SGMS2: variants seen among roughly 807,000 people sequenced by gnomAD.
SGMS2 encodes sphingomyelin synthase 2.
Under a neutral mutation model 43.8 loss-of-function variants are expected in SGMS2, and 21 were observed. That is an observed-to-expected ratio of 0.48 (90% CI 0.34 to 0.69). The LOEUF is 0.69. Among genes scored for constraint, SGMS2 ranks in the 30% least tolerant of loss-of-function variants. The pLI is 0.01. For missense variants in SGMS2, 384 were observed against 443.2 expected, an observed-to-expected ratio of 0.87 and a Z score of 1.20; for synonymous variants, 167 against 160.6, an observed-to-expected ratio of 1.04 and a Z score of -0.30.
At position 107,883,759 on chromosome 4, in the gene SGMS2, C is replaced by A. The variant is rs577564686; in HGVS notation, c.-244-11551C>A. Among the ~76,000 whole-genome samples the A allele has an allele frequency of 7.2e-5, 11 of 152,218 alleles. No individual in the cohort carries two copies. In the South Asian group the frequency reaches 1.7e-3, roughly 23 times the overall value. ...GCTTGTAAAAATATGTTTTGTACAT[C>A]TAATCTAATTCCCTTAAGATAAAGT... On this transcript the variant is annotated intron_variant, in intron 2 of 6. Coordinates refer to ENST00000690982, the MANE Select transcript of SGMS2 (RefSeq NM_001375905.1).
At chr4:107,878,727 G>A (rs1729113764) in intron 2 of SGMS2, among the ~76,000 whole-genome samples, 1 of 152,078 alleles carries the variant, frequency 6.6e-6, no homozygotes, top group African/African-American at 2.4e-5. Flanking sequence ...GAGAGCTTTA[G>A]CTTCACAATC....
At chr4:107,898,929 A>G (rs1481741006) in intron 3 of SGMS2, among the ~76,000 whole-genome samples, 1 of 152,218 alleles carries the variant, frequency 6.6e-6, no homozygotes, top group Non-Finnish European at 1.5e-5. Context: ...CACATTCACT[A>G]TTAAATGTAA....
intron 2 of SGMS2, among the ~76,000 whole-genome samples, chr4:107,864,646 G>C (rs1727982909): frequency 6.6e-6 from 1 of 152,122 alleles, no homozygotes; most frequent in Non-Finnish European, 1.5e-5. Context: ...TATATATTAA[G>C]GTGTATAACA....
intron 2 of SGMS2, chr4:107,866,902 A>G (rs1001406365): frequency 1.3e-5 from 2 of 152,240 alleles, no homozygotes; most frequent in African/African-American, 2.4e-5. Context: ...TTGCAAAATT[A>G]CTGACCCAGG....
At chr4:107,883,214 G>T (rs550424012) in intron 2 of SGMS2, among the ~76,000 whole-genome samples, 1 of 152,080 alleles carries the variant, frequency 6.6e-6, no homozygotes, top group Non-Finnish European at 1.5e-5. Context: ...CATAAGTATC[G>T]ATCACATGGC....
intron 2 of SGMS2, among the ~76,000 whole-genome samples, chr4:107,881,522 T>C (rs1280357886): frequency 1.3e-5 from 2 of 152,160 alleles, no homozygotes; most frequent in Non-Finnish European, 2.9e-5. Flanking sequence ...CGTGAGATAT[T>C]CTGATACAGG....
chr4:107,889,718 A>G (rs1291486383), intron 2 of SGMS2, among the ~76,000 whole-genome samples: 1 of 152,174 alleles, frequency 6.6e-6, no homozygotes, highest in Non-Finnish European at 1.5e-5. Flanking sequence ...AACCTTAGGT[A>G]GTTGTCAGCT....
At chr4:107,852,719 TCTCTTATTATTGGA>T (rs1268605717) in intron 1 of SGMS2, among the ~76,000 whole-genome samples, 3 of 151,146 alleles carry the variant, frequency 2.0e-5, no homozygotes, top group African/African-American at 7.3e-5. Context: ...TTTTAACATG[TCTCTTATTATTGGA>T]CACTTGTTTC....
intron 1 of SGMS2, among the ~76,000 whole-genome samples, chr4:107,847,037 C>T (rs966029533): frequency 5.3e-5 from 8 of 151,966 alleles, no homozygotes; most frequent in African/African-American, 1.2e-4. Flanking sequence ...GAGTAGATTG[C>T]GAAAATTTTC....
At chr4:107,886,412 G>A (rs1023427437) in intron 2 of SGMS2, among the ~76,000 whole-genome samples, 17 of 129,820 alleles carry the variant, frequency 1.3e-4, no homozygotes, top group South Asian at 2.4e-4. Flanking sequence ...GCAGGGTTTC[G>A]CCATGTTGCC....
chr4:107,844,405 T>A (rs1459238217), intron 1 of SGMS2, among the ~76,000 whole-genome samples: 1 of 150,022 alleles, frequency 6.7e-6, no homozygotes, highest in East Asian at 2.0e-4. Context: ...TAGGAGTGTT[T>A]AAAAAAAAAG....
At chr4:107,841,302 CT>C (rs1449328308) in intron 1 of SGMS2, among the ~76,000 whole-genome samples, 7 of 152,172 alleles carry the variant, frequency 4.6e-5, no homozygotes, top group Non-Finnish European at 1.0e-4. Context: ...TTCTGGGTTC[CT>C]CTTGCAGAGT....
chr4:107,871,812 T>C (rs1292173252), intron 2 of SGMS2, among the ~76,000 whole-genome samples: 1 of 152,224 alleles, frequency 6.6e-6, no homozygotes, highest in Admixed American at 6.5e-5. Flanking sequence ...TTCTGAATTC[T>C]TGTTAGATAT....
intron 1 of SGMS2, among the ~76,000 whole-genome samples, chr4:107,841,729 T>C (rs1342309022): frequency 6.6e-6 from 1 of 152,022 alleles, no homozygotes; most frequent in Non-Finnish European, 1.5e-5. Flanking sequence ...TGTGGTGCAA[T>C]CACAGCTCAC....
At chr4:107,897,442 A>C (rs1400889159) in intron 3 of SGMS2, among the ~76,000 whole-genome samples, 1 of 152,216 alleles carries the variant, frequency 6.6e-6, no homozygotes, top group Non-Finnish European at 1.5e-5. Flanking sequence ...ACAATGTAAG[A>C]GCCTGCTAAG....
Position 107,903,381 on chromosome 4 carries a change from A to G in SGMS2, c.722A>G (p.Lys241Arg). 1.9e-6 allele frequency: 3 copies of G among 1,613,810 alleles called. No individual in the cohort carries two copies. Among genetic ancestry groups the G allele is most frequent in the Non-Finnish European group, 2.5e-6 (3 of 1,179,848 alleles). ...CTGACACTGACTTATTTGTTCATCA[A>G]AGAATGTAAGTAATAGCCCATTCCC... ...VTLTLTYLFI[K>R]EYSPRHFWWY... Residue 241 changes from lysine (K) to arginine (R), a missense_variant, in exon 5 of 7, where the codon AAA becomes AGA. Physicochemically the swap from Lys to Arg is conservative, Grantham distance 26 (BLOSUM62 2). Transcript: ENST00000690982.
chr4:107,849,182 T>A (rs1408342916), intron 1 of SGMS2, among the ~76,000 whole-genome samples: 3 of 152,126 alleles, frequency 2.0e-5, no homozygotes, highest in Non-Finnish European at 4.4e-5. Context: ...AAACCTTTCA[T>A]GAAGTTTCAT....
intron 1 of SGMS2, among the ~76,000 whole-genome samples, chr4:107,827,501 T>C (rs1725660150): frequency 6.6e-6 from 1 of 152,196 alleles, no homozygotes; most frequent in East Asian, 1.9e-4. Context: ...ATAAGAGATC[T>C]GGTGGCATTC....
intron 1 of SGMS2, among the ~76,000 whole-genome samples, chr4:107,852,385 G>A (rs1727201441): frequency 6.6e-6 from 1 of 152,018 alleles, no homozygotes; most frequent in South Asian, 2.1e-4. Context: ...TAGCTATTTG[G>A]AAATGTGTTT....
Sources: allele counts gnomAD v4.1 joint callset (sites outside exome capture counted in the v4.1 genomes callset), GRCh38; gene constraint gnomAD v4.1.1; transcripts MANE v1.5; gene names NCBI Gene and HGNC (gene_info 2026-07-23, HGNC 2026-07-21).